EMSY: variants seen among roughly 807,000 people sequenced by gnomAD.
The protein encoded by EMSY is BRCA2-interacting transcriptional repressor EMSY.
EMSY carries 26 observed loss-of-function variants against 134.6 expected under a neutral mutation model. The observed-to-expected ratio is 0.19, with a 90% confidence interval of 0.14 to 0.27. The LOEUF is 0.27. Ranked by LOEUF, EMSY falls within the 10% of genes least tolerant of loss-of-function variation. The probability of loss-of-function intolerance (pLI) is 1.00; values close to 1 mark genes in which losing one functional copy is unlikely to be tolerated. For missense variants in EMSY, 1,305 were observed against 1,611.4 expected (o/e 0.81, Z 3.26); for synonymous variants, 579 against 577.8 (o/e 1.00, Z -0.03).
In EMSY at chr11:76,496,993, GT is replaced by G. The variant is rs75941479; in HGVS notation, c.1363+529del. On this transcript the variant is annotated intron_variant, in intron 9 of 20. Transcript: ENST00000334736. ...CCTAATCTTAAGGAGAAAACATTCAGTTTTTCACCATTAAGTACAATACCAG... is the reference window on the plus strand; with the variant it reads ...CCTAATCTTAAGGAGAAAACATTCAGTTTTCACCATTAAGTACAATACCAG... The G allele has an allele frequency of 8.7e-3, 1,630 of 187,514 alleles. 28 individuals are homozygous for G. The highest frequency in any genetic ancestry group is 0.057 in the East Asian group (356 of 6,228). 11.6% of individuals were successfully genotyped at this position (187,514 alleles called of 1,614,324 possible).
At chr11:76,476,534 A>C (rs1443052741) in intron 8 of EMSY, among the ~76,000 whole-genome samples, 1 of 152,186 alleles carries the variant, frequency 6.6e-6, no homozygotes, top group Non-Finnish European at 1.5e-5. Flanking sequence ...GAATTGGTTC[A>C]TTGGCCAATA....
intron 4 of EMSY, among the ~76,000 whole-genome samples, chr11:76,455,218 ATTTCT>A (rs374081999): frequency 6.6e-6 from 1 of 151,508 alleles, no homozygotes; most frequent in African/African-American, 2.4e-5. Flanking sequence ...CTCCTTTCTG[ATTTCT>A]TTAATACATA....
intron 9 of EMSY, among the ~76,000 whole-genome samples, chr11:76,497,576 GT>G (rs1031548769): frequency 1.3e-5 from 2 of 152,008 alleles, no homozygotes; most frequent in Non-Finnish European, 2.9e-5. Context: ...GGTTTTGGTA[GT>G]TTATGGTTTT....
chr11:76,482,301 C>T (rs550412639), intron 8 of EMSY, among the ~76,000 whole-genome samples: 144 of 152,284 alleles, frequency 9.5e-4, no homozygotes, highest in African/African-American at 3.1e-3. Context: ...GAAAAACCAG[C>T]GCAGAAAGGC....
In EMSY at chr11:76,491,384, G is replaced by A. The variant is rs59388706; in HGVS notation, c.1109-4831G>A. On this transcript the variant is annotated intron_variant, in intron 8 of 20. Coordinates refer to ENST00000334736, the Ensembl canonical transcript of EMSY. The stretch of plus-strand genomic sequence containing the variant: ...GTTTGTAGAGACAGGGTCTTGCTAT[G>A]TTGACCAGGGTGCTCTTGAACTCCT... 3.8e-3 allele frequency among the ~76,000 whole-genome samples: 575 copies of A among 152,080 alleles called. 3 individuals are homozygous for A. Among genetic ancestry groups the A allele is most frequent in the African/African-American group, 0.013 (546 of 41,486 alleles).
At chr11:76,544,601 G>A (rs2136763659) in exon 19 of EMSY, 2 of 1,614,126 alleles carry the variant, frequency 1.2e-6, no homozygotes, top group African/African-American at 1.3e-5. Flanking sequence ...CAAGCCAGAT[G>A]TACAGCACAC....
At chr11:76,526,583 C>T (rs2136336545) in exon 13 of EMSY, 2 of 1,613,592 alleles carry the variant, frequency 1.2e-6, no homozygotes, top group Non-Finnish European at 1.7e-6. Context: ...GTTCAACCAG[C>T]AGCTAAAATC....
At chr11:76,516,241 G>A (rs368588950) in exon 11 of EMSY, 12 of 1,613,290 alleles carry the variant, frequency 7.4e-6, no homozygotes, top group South Asian at 3.3e-5. Context: ...ACGAGTGGTA[G>A]CATCATTACA....
At chr11:76,494,668 TTCC>T in intron 8 of EMSY, among the ~76,000 whole-genome samples, 1 of 11,944 alleles carries the variant, frequency 8.4e-5, no homozygotes. Flanking sequence ...CCTTCCTTCC[TTCC>T]TTCCTTCCTT....
At chr11:76,528,336 A>G (rs1482453001) in exon 14 of EMSY, 10 of 1,613,656 alleles carry the variant, frequency 6.2e-6, no homozygotes, top group Non-Finnish European at 8.5e-6. Flanking sequence ...GACAGCTAGT[A>G]ACAGAAACAT....
At chr11:76,486,472 G>T (rs975117210) in intron 8 of EMSY, among the ~76,000 whole-genome samples, 2 of 152,194 alleles carry the variant, frequency 1.3e-5, no homozygotes, top group Non-Finnish European at 2.9e-5. Flanking sequence ...TTTTCAAAAA[G>T]AGTTTAACAT....
At chr11:76,478,237 T>C (rs1163448490) in intron 8 of EMSY, among the ~76,000 whole-genome samples, 1 of 152,136 alleles carries the variant, frequency 6.6e-6, no homozygotes, top group African/African-American at 2.4e-5. Flanking sequence ...GGTCAGATAG[T>C]TTAGGAGAAC....
intron 15 of EMSY, among the ~76,000 whole-genome samples, chr11:76,536,277 A>G (rs947476521): frequency 2.6e-5 from 4 of 152,118 alleles, no homozygotes; most frequent in East Asian, 1.9e-4. Context: ...TGAAGTACAG[A>G]TGGACTATCT....
intron 14 of EMSY, among the ~76,000 whole-genome samples, chr11:76,530,141 G>A (rs895625353): frequency 2.1e-5 from 3 of 141,226 alleles, no homozygotes; most frequent in African/African-American, 7.9e-5. Flanking sequence ...CATTTCATTA[G>A]TTGAATCTTT....
intron 18 of EMSY, 59 bp downstream of exon 19, chr11:76,542,426 C>T (rs1951473688): frequency 3.2e-6 from 5 of 1,555,094 alleles, no homozygotes; most frequent in South Asian, 2.2e-5. Context: ...AAATAAGATT[C>T]AGTGTCATCT....
chr11:76,488,281 C>T lies in EMSY; in HGVS notation c.1109-7934C>T, dbSNP rs1482692468. Among the ~76,000 whole-genome samples the T allele has an allele frequency of 2.0e-5, 3 of 152,122 alleles. No individual in the cohort carries two copies. In the South Asian group the frequency reaches 6.2e-4, roughly 31 times the overall value. ...AGGAGTTCAACATCAGCCTGGGCAA[C>T]GTAGCATGACCTCATCTCTACAAAA... On this transcript the variant is annotated intron_variant, in intron 8 of 20. Transcript: ENST00000334736.
At chr11:76,505,653 C>T (rs1408575185) in intron 9 of EMSY, among the ~76,000 whole-genome samples, 3 of 151,058 alleles carry the variant, frequency 2.0e-5, no homozygotes, top group East Asian at 2.0e-4. Context: ...GTCAAGAGAT[C>T]GAGACCATCC....
intron 10 of EMSY, 143 bp downstream of exon 11, chr11:76,513,678 T>A: frequency 2.6e-6 from 2 of 779,434 alleles, no homozygotes; most frequent in Non-Finnish European, 3.9e-6. Context: ...CTCACACCCC[T>A]ACTGACTGCC....
intron 17 of EMSY, 65 bp downstream of exon 18, chr11:76,539,705 G>T (rs1010095823): frequency 4.1e-6 from 6 of 1,463,922 alleles, no homozygotes; most frequent in Non-Finnish European, 5.7e-6. Flanking sequence ...GGGGGGAACC[G>T]CTTAAATGGA....
Sources: gnomAD v4.1 joint callset for allele counts (sites outside exome capture counted in the v4.1 genomes callset) on GRCh38, gnomAD v4.1.1 for gene constraint, MANE v1.5 for transcripts, NCBI Gene and HGNC (gene_info 2026-07-23, HGNC 2026-07-21) for gene names.